The following SGCD variants were observed in gnomAD, a reference collection of about 807,000 sequenced individuals.
SGCD encodes the protein delta-sarcoglycan.
In SGCD, 18 loss-of-function variants were observed where a neutral mutation model predicts 36.6. That is an observed-to-expected ratio of 0.49 (90% confidence interval 0.34 to 0.73). The LOEUF (loss-of-function observed/expected upper bound fraction) is 0.73, where lower values mean the gene tolerates loss of function less well. Ranked by LOEUF, SGCD falls within the 30% of genes least tolerant of loss-of-function variation. The pLI is 0.01. For synonymous variants in SGCD, 133 were observed against 130.6 expected (o/e 1.02, Z -0.12); for missense variants, 387 against 346.7 (o/e 1.12, Z -0.92).
chr5:156,350,187 T>C (rs1769166579), intron 3 of SGCD, among the ~76,000 whole-genome samples: 1 of 149,226 alleles, frequency 6.7e-6, no homozygotes, highest in East Asian at 2.0e-4. Context: ...GTTACCACTA[T>C]ATTATTGATC....
intron 3 of SGCD, among the ~76,000 whole-genome samples, chr5:156,206,890 T>G (rs1019152140): frequency 6.6e-6 from 1 of 151,884 alleles, no homozygotes; most frequent in Non-Finnish European, 1.5e-5. Context: ...AAAAGACTGA[T>G]AGTTATTTTT....
intron 3 of SGCD, among the ~76,000 whole-genome samples, chr5:156,168,960 T>TGGA (rs1468269982): frequency 6.6e-6 from 1 of 152,190 alleles, no homozygotes; most frequent in African/African-American, 2.4e-5. Context: ...AGTGTGCTTA[T>TGGA]GGAGGGAGTG....
At chr5:155,955,835 A>G (rs1757638931) in intron 1 of SGCD, among the ~76,000 whole-genome samples, 1 of 152,130 alleles carries the variant, frequency 6.6e-6, no homozygotes, top group African/African-American at 2.4e-5. Context: ...TTATTTACTT[A>G]GCCCTGTAAA....
chr5:156,130,257 T>C (rs907967503), intron 3 of SGCD, among the ~76,000 whole-genome samples: 3 of 152,242 alleles, frequency 2.0e-5, no homozygotes, highest in Admixed American at 6.5e-5. Context: ...TTGAGCTTTT[T>C]TTCATATGCT....
the SGCD span, among the ~76,000 whole-genome samples, chr5:155,816,813 A>G: frequency 6.6e-5 from 10 of 152,298 alleles, no homozygotes; most frequent in Admixed American, 3.9e-4. Context: ...ATTAGAAACT[A>G]TGTCAGTTGG....
chr5:155,857,912 A>G, the SGCD span, among the ~76,000 whole-genome samples: 1 of 152,174 alleles, frequency 6.6e-6, no homozygotes, highest in Non-Finnish European at 1.5e-5. Flanking sequence ...CTGAGTTTAA[A>G]TCTACCATCT....
At chr5:155,947,950 C>G (rs1030642918) in intron 1 of SGCD, among the ~76,000 whole-genome samples, 2 of 151,986 alleles carry the variant, frequency 1.3e-5, no homozygotes, top group African/African-American at 4.8e-5. Flanking sequence ...AAAGGACTTG[C>G]TTCATAGGGT....
At chr5:156,056,645 T>TAAAAAAAAAAAAACAAAAAAAAAAAAACA (rs1760066017) in intron 1 of SGCD, among the ~76,000 whole-genome samples, 1 of 68,264 alleles carries the variant, frequency 1.5e-5, no homozygotes, top group African/African-American at 7.1e-5. Flanking sequence ...AAATTATCCT[T>TAAAAAAAAAAAAACAAAAAAAAAAAAACA]AAAAAAAAAA....
chr5:156,203,720 A>T (rs541338833), intron 3 of SGCD, among the ~76,000 whole-genome samples: 1 of 152,188 alleles, frequency 6.6e-6, no homozygotes, highest in Admixed American at 6.6e-5. Flanking sequence ...ATCCATTAAG[A>T]CTCTGAAAAG....
intron 3 of SGCD, among the ~76,000 whole-genome samples, chr5:156,237,261 G>T (rs955448417): frequency 3.3e-5 from 5 of 152,184 alleles, no homozygotes; most frequent in Admixed American, 2.6e-4. Flanking sequence ...CATAGGTTCT[G>T]TTCTCATTTT....
chr5:156,488,448 A>C (rs1755800598), intron 3 of SGCD, among the ~76,000 whole-genome samples: 1 of 152,092 alleles, frequency 6.6e-6, no homozygotes, highest in African/African-American at 2.4e-5. Context: ...TCATCAAACT[A>C]ACAGAGATTT....
chr5:155,993,413 C>T (rs1037606148), intron 1 of SGCD, among the ~76,000 whole-genome samples: 76 of 146,906 alleles, frequency 5.2e-4, no homozygotes, highest in African/African-American at 1.7e-3. Context: ...GGCATGATCT[C>T]GGCTTACTGC....
chr5:156,298,576 C>CTTTTTT (rs924228753), intron 3 of SGCD, among the ~76,000 whole-genome samples: 369 of 110,438 alleles, frequency 3.3e-3, no homozygotes, highest in African/African-American at 8.9e-3. Flanking sequence ...TTTTTCTTTT[C>CTTTTTT]TTTTTTTTTT....
intron 3 of SGCD, among the ~76,000 whole-genome samples, chr5:156,229,743 C>T (rs1764966047): frequency 6.6e-6 from 1 of 151,968 alleles, no homozygotes; most frequent in African/African-American, 2.4e-5. Flanking sequence ...TTGATTGTTC[C>T]CCCAAATATA....
At chr5:156,499,260 G>C (rs76501874) in intron 3 of SGCD, among the ~76,000 whole-genome samples, 4,110 of 152,206 alleles carry the variant, frequency 0.027, 168 homozygotes, top group African/African-American at 0.088. Flanking sequence ...TATGGAAATG[G>C]TAGCTTTTGT....
intron 1 of SGCD, among the ~76,000 whole-genome samples, chr5:156,049,970 A>T (rs1204462731): frequency 6.8e-6 from 1 of 146,964 alleles, no homozygotes; most frequent in Non-Finnish European, 1.5e-5. Flanking sequence ...GAATGGGCAA[A>T]GAAAGTGATT....
chr5:156,542,693 C>A (rs1758398980), intron 4 of SGCD, among the ~76,000 whole-genome samples: 1 of 152,140 alleles, frequency 6.6e-6, no homozygotes, highest in Admixed American at 6.6e-5. Flanking sequence ...GGCTTATGAG[C>A]TGCACGACCA....
At chr5:156,206,171 ACT>A (rs1388017767) in intron 3 of SGCD, among the ~76,000 whole-genome samples, 1 of 151,516 alleles carries the variant, frequency 6.6e-6, no homozygotes, top group Non-Finnish European at 1.5e-5. Flanking sequence ...CTTGAAAATG[ACT>A]CCAAGTTTTT....
intron 7 of SGCD, among the ~76,000 whole-genome samples, chr5:156,681,241 C>G (rs1228914158): frequency 6.6e-6 from 1 of 152,150 alleles, no homozygotes; most frequent in Admixed American, 6.5e-5. Flanking sequence ...GGTAGTGGCT[C>G]TCAGCAGAAA....
Sources: gnomAD v4.1 joint callset for allele counts (sites outside exome capture counted in the v4.1 genomes callset) on GRCh38, gnomAD v4.1.1 for gene constraint, MANE v1.5 for transcripts, NCBI Gene and HGNC (gene_info 2026-07-23, HGNC 2026-07-21) for gene names.